The following DYRK1A variants were observed in gnomAD, a reference collection of about 807,000 sequenced individuals.
DYRK1A encodes the protein dual specificity tyrosine phosphorylation regulated kinase 1A.
In DYRK1A, 9 loss-of-function variants were observed where a neutral mutation model predicts 79.7. The ratio of observed to expected loss-of-function variants is 0.11; its 90% CI spans 0.07 to 0.20. DYRK1A has a LOEUF of 0.20. Ranked by LOEUF, DYRK1A falls within the 10% of genes least tolerant of loss-of-function variation. The probability of loss-of-function intolerance (pLI) is 1.00; values close to 1 mark genes in which losing one functional copy is unlikely to be tolerated. For missense variants in DYRK1A, 622 were observed against 956.0 expected (o/e 0.65, Z 4.61); for synonymous variants, 349 against 329.7 (o/e 1.06, Z -0.63).
intron 4 of DYRK1A, among the ~76,000 whole-genome samples, chr21:37,478,548 T>C (rs2052485892): frequency 6.6e-6 from 1 of 152,108 alleles, no homozygotes; most frequent in African/African-American, 2.4e-5. Context: ...CTGTTATTTC[T>C]TTTTTTAATT....
At chr21:37,374,697 C>T (rs1048909210) in intron 1 of DYRK1A, among the ~76,000 whole-genome samples, 6 of 152,128 alleles carry the variant, frequency 3.9e-5, no homozygotes, top group Middle Eastern at 6.8e-3. Context: ...GGACCACAGG[C>T]GCCTGTCACC....
chr21:37,493,160 T>C lies in DYRK1A; in HGVS notation c.1068T>C (p.Asn356=). The change falls in exon 8 of 12, where the codon AAT becomes AAC. Residue 356 remains asparagine (N), a synonymous_variant. Coordinates refer to ENST00000647188, the MANE Select transcript of DYRK1A (RefSeq NM_001347721.2). ...GAGAACCTCTGTTCAGTGGTGCCAA[T>C]GAGGTAAATGATGTATTGCTTTACA... The part of the protein sequence containing the change: ...HTGEPLFSGA[N]EVDQMNKIVE... 6.3e-7 allele frequency: 1 copy of C among 1,596,278 alleles called. No homozygotes were observed. The highest frequency in any genetic ancestry group is 1.3e-5 in the African/African-American group (1 of 74,532).
chr21:37,381,772 C>T (rs1029147426), intron 1 of DYRK1A, among the ~76,000 whole-genome samples: 1 of 152,114 alleles, frequency 6.6e-6, no homozygotes, highest in Non-Finnish European at 1.5e-5. Context: ...TGAGTGAGTA[C>T]ACTTTGAGTG....
At chr21:37,477,995 A>C (rs929422072) in intron 3 of DYRK1A, among the ~76,000 whole-genome samples, 13 of 152,230 alleles carry the variant, frequency 8.5e-5, no homozygotes, top group Admixed American at 2.6e-4. Flanking sequence ...TGGGCATATT[A>C]TCCTCTAATT....
chr21:37,375,987 A>G (rs2049531532), intron 1 of DYRK1A, among the ~76,000 whole-genome samples: 2 of 151,756 alleles, frequency 1.3e-5, no homozygotes, highest in Non-Finnish European at 2.9e-5. Context: ...TAAACCTGAA[A>G]CCGCAGGCCC....
At chr21:37,507,023 A>G (rs1013284475) in intron 11 of DYRK1A, among the ~76,000 whole-genome samples, 28 of 152,200 alleles carry the variant, frequency 1.8e-4, no homozygotes, top group African/African-American at 5.5e-4. Flanking sequence ...ATCCTCTCCT[A>G]TTCTCTTTAA....
chr21:37,444,235 T>A (rs1227611828), intron 2 of DYRK1A, among the ~76,000 whole-genome samples: 3 of 152,224 alleles, frequency 2.0e-5, no homozygotes, highest in Non-Finnish European at 4.4e-5. Context: ...CCCACTTCTT[T>A]CACTGTCTCC....
At chr21:37,421,693 G>A (rs144035302) in intron 2 of DYRK1A, 1 of 152,150 alleles carries the variant, frequency 6.6e-6, no homozygotes, top group East Asian at 1.9e-4. Context: ...AAAACAAATA[G>A]GCATATTTAC....
chr21:37,488,345 A>G, intron 6 of DYRK1A: 2 of 942,600 alleles, frequency 2.1e-6, no homozygotes, highest in Non-Finnish European at 2.5e-6. Flanking sequence ...GATACCTTAA[A>G]CTTAAGGTAT....
At chr21:37,373,406 C>G (rs556836383) in intron 1 of DYRK1A, among the ~76,000 whole-genome samples, 2 of 152,198 alleles carry the variant, frequency 1.3e-5, no homozygotes, top group African/African-American at 2.4e-5. Flanking sequence ...TTAAGAGTTA[C>G]GATAAATTTA....
chr21:37,496,617 G>A (rs917431418), intron 9 of DYRK1A, among the ~76,000 whole-genome samples: 3 of 152,100 alleles, frequency 2.0e-5, no homozygotes, highest in African/African-American at 7.2e-5. Context: ...TACTGCAGCT[G>A]TGAACAGAAG....
intron 5 of DYRK1A, among the ~76,000 whole-genome samples, chr21:37,482,040 T>C (rs920419831): frequency 1.3e-5 from 2 of 152,180 alleles, no homozygotes; most frequent in Non-Finnish European, 2.9e-5. Flanking sequence ...ACTTTTGACT[T>C]TTCGATGATG....
intron 1 of DYRK1A, among the ~76,000 whole-genome samples, chr21:37,386,559 C>T (rs537719708): frequency 6.5e-4 from 99 of 152,320 alleles, no homozygotes; most frequent in Middle Eastern, 3.4e-3. Context: ...ACTTTTTCCT[C>T]AGTTCTTTTA....
intron 1 of DYRK1A, among the ~76,000 whole-genome samples, chr21:37,390,562 T>C (rs530618863): frequency 1.3e-4 from 20 of 152,302 alleles, no homozygotes; most frequent in African/African-American, 3.6e-4. Context: ...TTTACACATT[T>C]TGTCGTTACT....
chr21:37,445,744 A>G (rs1167807105), intron 2 of DYRK1A, among the ~76,000 whole-genome samples: 1 of 152,180 alleles, frequency 6.6e-6, no homozygotes, highest in Non-Finnish European at 1.5e-5. Context: ...GTTTTTCCAT[A>G]TCAAAGCCCA....
intron 2 of DYRK1A, among the ~76,000 whole-genome samples, chr21:37,423,085 T>C (rs2050520717): frequency 6.6e-6 from 1 of 152,190 alleles, no homozygotes; most frequent in African/African-American, 2.4e-5. Flanking sequence ...CCTGAGCTTA[T>C]GGATAACAAA....
chr21:37,381,698 G>A (rs559617616), intron 1 of DYRK1A, among the ~76,000 whole-genome samples: 1 of 152,322 alleles, frequency 6.6e-6, no homozygotes, highest in African/African-American at 2.4e-5. Flanking sequence ...TGAGGCAGGA[G>A]GATCGCTTGA....
intron 1 of DYRK1A, among the ~76,000 whole-genome samples, chr21:37,377,728 A>T (rs1467314250): frequency 1.3e-5 from 2 of 152,114 alleles, no homozygotes; most frequent in Admixed American, 6.5e-5. Context: ...TTGTCCTCTC[A>T]CAGTGCAGCT....
In DYRK1A at chr21:37,511,964, A is replaced by G. The variant is rs375157979; in HGVS notation, c.1698A>G (p.Thr566=). Reference sequence around the variant, plus strand: ...GTTGGTCAGGCACTGAAGCTCCTACACAGGTCACTGTTGAAACTCATCCTG... The same window carrying G: ...GTTGGTCAGGCACTGAAGCTCCTACGCAGGTCACTGTTGAAACTCATCCTG... The part of the protein sequence containing the change: ...PLGWSGTEAP[T]QVTVETHPVQ... Residue 566 remains threonine (T), a synonymous_variant, in exon 12 of 12, where the codon ACA becomes ACG. Transcript: ENST00000647188. 1.2e-6 allele frequency: 2 copies of G among 1,614,152 alleles called. No homozygotes were observed. Among genetic ancestry groups the G allele is most frequent in the East Asian group, 4.5e-5 (2 of 44,890 alleles).
Sources: allele counts gnomAD v4.1 joint callset (sites outside exome capture counted in the v4.1 genomes callset), GRCh38; gene constraint gnomAD v4.1.1; transcripts MANE v1.5; gene names NCBI Gene and HGNC (gene_info 2026-07-23, HGNC 2026-07-21).